Variants in MYO1H observed in about 807,000 individuals in gnomAD.
MYO1H encodes myosin IH.
Under a neutral mutation model 149.3 loss-of-function variants are expected in MYO1H, and 118 were observed. The ratio of observed to expected loss-of-function variants is 0.79; its 90% confidence interval spans 0.68 to 0.92. The LOEUF (loss-of-function observed/expected upper bound fraction) is 0.92, where lower values mean the gene tolerates loss of function less well. Ranked by LOEUF, MYO1H falls within the 40% of genes least tolerant of loss-of-function variation. The pLI is 0.00. For synonymous variants in MYO1H, 447 were observed against 465.2 expected, an observed-to-expected ratio of 0.96 and a Z score of 0.50; for missense variants, 1,212 against 1,280.7, an observed-to-expected ratio of 0.95 and a Z score of 0.82.
intron 25 of MYO1H, 104 bp downstream of exon 25, chr12:109,440,931 A>G (rs1872097816): frequency 1.2e-6 from 1 of 815,454 alleles, no homozygotes; most frequent in Non-Finnish European, 2.0e-6. Context: ...AGCGGGGGTC[A>G]TGCTAGTCCC....
Position 109,443,040 on chromosome 12 carries a change from G to GTGTGTGTGTATATGTGTACGTA in MYO1H, c.2689-467_2689-466insGTATATGTGTACGTATGTGTGT, listed in dbSNP as rs1592823038. The stretch of plus-strand genomic sequence containing the variant: ...TATATATATATATATGTGTGTGTGT[G>GTGTGTGTGTATATGTGTACGTA]TGTGTGTATATATGTGTACGTATGT... On this transcript the variant is annotated intron_variant, in intron 27 of 31. Coordinates refer to ENST00000310903, the Ensembl canonical transcript of MYO1H. Among the ~76,000 whole-genome samples the GTGTGTGTGTATATGTGTACGTA allele has an allele frequency of 7.0e-4, 30 of 42,726 alleles. 6 individuals are homozygous for GTGTGTGTGTATATGTGTACGTA. The highest frequency in any genetic ancestry group is 0.014 in the Middle Eastern group (1 of 72). The allele number at this position is 42,726 out of a possible 152,430, so 28.0% of individuals were successfully genotyped here. A position where few individuals can be genotyped will look rare whatever the true frequency, so the allele number is the denominator to read the frequency against.
the MYO1H span, among the ~76,000 whole-genome samples, chr12:109,338,868 C>G: frequency 6.6e-6 from 1 of 151,924 alleles, no homozygotes; most frequent in African/African-American, 2.4e-5. Flanking sequence ...GCCTCTGACC[C>G]TACATCCTGC....
chr12:109,332,012 T>C, the MYO1H span, among the ~76,000 whole-genome samples: 2 of 152,092 alleles, frequency 1.3e-5, no homozygotes, highest in African/African-American at 2.4e-5. Context: ...AATAATGTTA[T>C]AACACAATCT....
chr12:109,440,224 C>T (rs1396041787), intron 24 of MYO1H, among the ~76,000 whole-genome samples: 4 of 152,096 alleles, frequency 2.6e-5, no homozygotes, highest in Admixed American at 6.6e-5. Context: ...TTAGTAGAGA[C>T]GGAGTTTTGC....
chr12:109,329,363 G>C, the MYO1H span, among the ~76,000 whole-genome samples: 1 of 152,132 alleles, frequency 6.6e-6, no homozygotes. Context: ...AATATTTCCT[G>C]TCTAACTCTT....
rs10545297 is a variant in MYO1H, at chr12:109,443,355, TACACACACACACAC to T, written c.2689-133_2689-120del. On this transcript the variant is annotated intron_variant, in intron 27 of 31. Transcript: ENST00000310903. ...ATGTGTACGTATATATGTGTGTATA[TACACACACACACAC>T]ACACACACACACACACACACACACA... Among the ~76,000 whole-genome samples, 24 of 74,774 alleles carry T rather than the reference TACACACACACACAC, an allele frequency of 3.2e-4. 2 individuals are homozygous for T. The highest frequency in any genetic ancestry group is 9.2e-4 in the African/African-American group (17 of 18,566). The allele number at this position is 74,774 out of a possible 152,430, so 49.1% of individuals were successfully genotyped here.
chr12:109,335,058 T>C, the MYO1H span, among the ~76,000 whole-genome samples: 4 of 152,250 alleles, frequency 2.6e-5, no homozygotes, highest in Non-Finnish European at 4.4e-5. Context: ...ATAATATCTT[T>C]AAAGTTCATC....
At chr12:109,341,976 G>A in the MYO1H span, among the ~76,000 whole-genome samples, 152,246 of 152,256 alleles carry the variant, frequency 1, 76,118 homozygotes, top group Middle Eastern at 1. Context: ...TAATCTGTAT[G>A]TTCAGTCTTT....
At chr12:109,380,204 C>T (rs1592784262) in intron 1 of MYO1H, among the ~76,000 whole-genome samples, 1 of 152,048 alleles carries the variant, frequency 6.6e-6, no homozygotes, top group African/African-American at 2.4e-5. Flanking sequence ...CCAATTTTAA[C>T]ATTTAAAAAA....
chr12:109,397,946 C>A, intron 5 of MYO1H, 134 bp downstream of exon 5: 1 of 575,182 alleles, frequency 1.7e-6, no homozygotes, highest in East Asian at 3.1e-5. Flanking sequence ...AGGGTTAGTG[C>A]TGGTTTTAGG....
At chr12:109,397,916 AGCTATTT>A in intron 5 of MYO1H, 104 bp downstream of exon 5, 1 of 739,472 alleles carries the variant, frequency 1.4e-6, no homozygotes, top group African/African-American at 1.8e-5. Context: ...TTTTGGCTCA[AGCTATTT>A]AAAAAAATAT....
intron 1 of MYO1H, among the ~76,000 whole-genome samples, chr12:109,375,459 T>C (rs560517614): frequency 1.8e-4 from 28 of 152,302 alleles, no homozygotes; most frequent in African/African-American, 6.7e-4. Flanking sequence ...GGCCAGCCAT[T>C]CAATTTTATA....
At chr12:109,403,741 A>G (rs1870262142) in intron 6 of MYO1H, among the ~76,000 whole-genome samples, 1 of 152,240 alleles carries the variant, frequency 6.6e-6, no homozygotes. Flanking sequence ...AAGATACACC[A>G]CTTACATGTA....
chr12:109,361,143 A>C (rs1309265478), intron 1 of MYO1H, among the ~76,000 whole-genome samples: 1 of 152,226 alleles, frequency 6.6e-6, no homozygotes, highest in African/African-American at 2.4e-5. Flanking sequence ...AAAATACAAC[A>C]GAATTTTGCC....
At chr12:109,363,787 G>GA (rs1408230329) in intron 1 of MYO1H, among the ~76,000 whole-genome samples, 7 of 152,140 alleles carry the variant, frequency 4.6e-5, no homozygotes, top group African/African-American at 1.4e-4. Context: ...GAAGTCAGAG[G>GA]AGGAGGCATA....
At chr12:109,375,546 A>G (rs1869071481) in intron 1 of MYO1H, among the ~76,000 whole-genome samples, 1 of 152,098 alleles carries the variant, frequency 6.6e-6, no homozygotes, top group Admixed American at 6.5e-5. Context: ...GATCCTTTTT[A>G]TGTATTGGAA....
chr12:109,378,140 T>C (rs983830547), intron 1 of MYO1H, among the ~76,000 whole-genome samples: 1 of 152,162 alleles, frequency 6.6e-6, no homozygotes, highest in African/African-American at 2.4e-5. Flanking sequence ...TTGTTTTTAA[T>C]ATATTTGCAG....
intron 30 of MYO1H, 181 bp from the exon 31 acceptor site, chr12:109,445,331 TA>T (rs1872434175): frequency 1.6e-5 from 9 of 555,908 alleles, no homozygotes; most frequent in Non-Finnish European, 2.5e-5. Context: ...CAGAAACATG[TA>T]AGTTGCCCAG....
At chr12:109,413,318 T>C (rs1268353886) in intron 14 of MYO1H, among the ~76,000 whole-genome samples, 5 of 152,170 alleles carry the variant, frequency 3.3e-5, no homozygotes, top group African/African-American at 1.2e-4. Flanking sequence ...TTCCCTGCTA[T>C]ACAAGATGGG....
Sources: allele counts gnomAD v4.1 joint callset (sites outside exome capture counted in the v4.1 genomes callset), GRCh38; gene constraint gnomAD v4.1.1; transcripts MANE v1.5; gene names NCBI Gene and HGNC (gene_info 2026-07-23, HGNC 2026-07-21).